Variants in ERFE observed in about 807,000 individuals in gnomAD.
The protein encoded by ERFE is complement C1q tumor necrosis factor-related protein 15.
In ERFE, 25 loss-of-function variants were observed where a neutral mutation model predicts 26.6. The ratio of observed to expected loss-of-function variants is 0.94; its 90% CI spans 0.69 to 1.31. ERFE has a LOEUF of 1.31. ERFE is among the 40% of genes most tolerant of loss of function. The pLI is 0.00. For synonymous variants in ERFE, 206 were observed against 204.5 expected, an observed-to-expected ratio of 1.01 and a Z score of -0.06; for missense variants, 447 against 440.2, an observed-to-expected ratio of 1.02 and a Z score of -0.14.
Position 238,164,185 on chromosome 2 carries a change from T to A in ERFE, c.796+2T>A, listed in dbSNP as rs1692992246. The A allele has an allele frequency of 7.0e-7, 1 of 1,435,500 alleles. No individual in the cohort carries two copies. 88.9% of individuals were successfully genotyped at this position (1,435,500 alleles called of 1,614,324 possible). ...CTCTCGCCGCCACGCTGCACGTGGG[T>A]GAGGCCCGGGGCGTGGGAGGATCGC... On this transcript the variant is annotated splice_donor_variant, in intron 5 of 7. Coordinates refer to ENST00000546354, the MANE Select transcript of ERFE (RefSeq NM_001291832.2). LOFTEE classifies it high-confidence loss of function.
Position 238,168,303 on chromosome 2 carries a change from T to A in ERFE, c.*1249T>A. 2.3e-6 allele frequency: 1 copy of A among 444,334 alleles called. No homozygotes were observed. The highest frequency in any genetic ancestry group is 4.6e-6 in the Non-Finnish European group (1 of 215,722). 27.5% of individuals were successfully genotyped at this position (444,334 alleles called of 1,614,324 possible). On this transcript the variant is annotated 3_prime_UTR_variant, in exon 8 of 8. Coordinates refer to ENST00000546354, the MANE Select transcript of ERFE (RefSeq NM_001291832.2). ...GTAGGTAGTGAAGAGGACAAGGCCC[T>A]CGGCAGCGACCTCCAGGGCCTCCTA... is the stretch of plus-strand genomic sequence containing the variant.
At chr2:238,166,367 T>G (rs902353072) in intron 7 of ERFE, among the ~76,000 whole-genome samples, 1 of 152,156 alleles carries the variant, frequency 6.6e-6, no homozygotes, top group Non-Finnish European at 1.5e-5. Flanking sequence ...TGAAAGGCAT[T>G]TAGAGGTCCC....
rs1196130503 is a variant in ERFE, at chr2:238,168,392, C to T, written c.*1338C>T. 3 of 470,952 alleles carry T rather than the reference C, an allele frequency of 6.4e-6. No individual in the cohort carries two copies. In the East Asian group the frequency reaches 2.1e-4, roughly 33 times the overall value. The allele number at this position is 470,952 out of a possible 1,614,324, so 29.2% of individuals were successfully genotyped here. A position where few individuals can be genotyped will look rare whatever the true frequency, so the allele number is the denominator to read the frequency against. On this transcript the variant is annotated 3_prime_UTR_variant, in exon 8 of 8. Coordinates refer to ENST00000546354, the MANE Select transcript of ERFE (RefSeq NM_001291832.2). ...ACAGGCTACGAAGAACCTGGTGCCT[C>T]AGGACCTCCTGGGAGCCAAGCTGGT...
intron 2 of ERFE, among the ~76,000 whole-genome samples, chr2:238,162,060 T>C (rs1692946978): frequency 6.6e-6 from 1 of 152,102 alleles, no homozygotes; most frequent in African/African-American, 2.4e-5. Context: ...GGGCACAGGG[T>C]CCCTCTCACC....
At position 238,166,922 on chromosome 2, in the gene ERFE, G is replaced by T. The variant is rs1326711323; in HGVS notation, c.967-34G>T. ...TGGGTCACCTCTGCAGGCTGTTGGG[G>T]TGGCCCAGTGCCTCAAAGGCACCCT... On this transcript the variant is annotated intron_variant, in intron 7 of 7. Transcript: ENST00000546354. 5.2e-6 allele frequency: 8 copies of T among 1,531,934 alleles called. No homozygotes were observed. In the Admixed American group the frequency reaches 5.9e-5, roughly 11 times the overall value. 94.9% of individuals were successfully genotyped at this position (1,531,934 alleles called of 1,614,324 possible).
Position 238,163,777 on chromosome 2 carries a change from T to C in ERFE, c.465T>C (p.Cys155=). The C allele has an allele frequency of 7.3e-7, 1 of 1,364,212 alleles. No individual in the cohort carries two copies. The highest frequency in any genetic ancestry group is 9.4e-7 in the Non-Finnish European group (1 of 1,063,128). The allele number at this position is 1,364,212 out of a possible 1,614,324, so 84.5% of individuals were successfully genotyped here. ...RQRERAEPEP[C]TCGPAGPVAA... ...GGGAGCGCGCGGAGCCCGAACCCTG[T>C]ACGTGTGGCCCCGCCGGGCCGGTCG... is the stretch of plus-strand genomic sequence containing the variant. Residue 155 remains cysteine (C), a synonymous_variant, in exon 4 of 8, where the codon TGT becomes TGC. Transcript: ENST00000546354.
chr2:238,167,346 G>C lies in ERFE; in HGVS notation c.*292G>C. Reference sequence around the variant, plus strand: ...ACCTGCTAGTCTCCAGCTGCAGGCCGACTCTTTCCTGGCCTGCTCAGCACC... The same window carrying C: ...ACCTGCTAGTCTCCAGCTGCAGGCCCACTCTTTCCTGGCCTGCTCAGCACC... On this transcript the variant is annotated 3_prime_UTR_variant, in exon 8 of 8. Transcript: ENST00000546354. The C allele has an allele frequency of 1.5e-6, 1 of 647,776 alleles. No individual in the cohort carries two copies. Among genetic ancestry groups the C allele is most frequent in the Non-Finnish European group, 2.9e-6 (1 of 350,018 alleles). The allele number at this position is 647,776 out of a possible 1,614,324, so 40.1% of individuals were successfully genotyped here.
chr2:238,165,387 G>T (rs149851478), intron 6 of ERFE, among the ~76,000 whole-genome samples: 10 of 152,354 alleles, frequency 6.6e-5, no homozygotes, highest in Non-Finnish European at 1.2e-4. Context: ...GCCTCTTGCT[G>T]GGCCCTCGCC....
intron 1 of ERFE, among the ~76,000 whole-genome samples, chr2:238,159,870 C>T (rs1692911787): frequency 6.6e-6 from 1 of 152,198 alleles, no homozygotes; most frequent in South Asian, 2.1e-4. Context: ...ACAGGGCTGC[C>T]CCAGGGAAGC....
At chr2:238,163,655 A>G in intron 3 of ERFE, 82 bp from the exon 4 acceptor site, 1 of 1,228,930 alleles carries the variant, frequency 8.1e-7, no homozygotes, top group Non-Finnish European at 1.0e-6. Context: ...TGGTCTCGCT[A>G]GCACCTGTCG....
Position 238,163,736 on chromosome 2 carries a change from G to A in ERFE, c.425-1G>A. ...CGCGGCCACCGCTCGCTCTGTGCCA[G>A]GTGCGGTGCGGCAGCGGGAGCGCGC... On this transcript the variant is annotated splice_acceptor_variant, in intron 3 of 7. Coordinates refer to ENST00000546354, the MANE Select transcript of ERFE (RefSeq NM_001291832.2). LOFTEE classifies it high-confidence loss of function. 2 of 1,334,230 alleles carry A rather than the reference G, an allele frequency of 1.5e-6. No individual in the cohort carries two copies. The highest frequency in any genetic ancestry group is 3.1e-5 in the East Asian group (1 of 32,078). 82.6% of individuals were successfully genotyped at this position (1,334,230 alleles called of 1,614,324 possible). A position where few individuals can be genotyped will look rare whatever the true frequency, so the allele number is the denominator to read the frequency against.
chr2:238,164,662 G>A (rs1199033631), intron 6 of ERFE: 3 of 385,740 alleles, frequency 7.8e-6, no homozygotes, highest in South Asian at 5.8e-5. Flanking sequence ...AGACCATCCT[G>A]GCTAACATGG....
chr2:238,161,631 G>A lies in ERFE; in HGVS notation c.236G>A (p.Arg79Gln), dbSNP rs751192962. 2.8e-5 allele frequency: 44 copies of A among 1,546,386 alleles called. No homozygotes were observed. Among genetic ancestry groups the A allele is most frequent in the African/African-American group, 1.8e-4 (13 of 73,008 alleles). ...GAGCGTGCACACAGCGTCGACCCCC[G>A]GGACGCCTGGATGCTCTTCGTCAGG... Reference protein sequence around the residue: ...TAERAHSVDPRDAWMLFVRQS... With the variant: ...TAERAHSVDPQDAWMLFVRQS... Residue 79 changes from arginine to glutamine, a missense_variant, in exon 2 of 8, where the codon CGG becomes CAG. Physicochemically the swap from Arg to Gln is conservative, Grantham distance 43. Coordinates refer to ENST00000546354, the MANE Select transcript of ERFE (RefSeq NM_001291832.2).
chr2:238,162,916 G>T, intron 3 of ERFE, 78 bp downstream of exon 3: 1 of 1,192,064 alleles, frequency 8.4e-7, no homozygotes, highest in Non-Finnish European at 1.2e-6. Context: ...GAGCTGACAG[G>T]GCCAACCTCA....
chr2:238,164,658 T>C (rs1693003922), intron 6 of ERFE: 2 of 397,680 alleles, frequency 5.0e-6, no homozygotes, highest in Admixed American at 4.6e-5. Flanking sequence ...ATCGAGACCA[T>C]CCTGGCTAAC....
chr2:238,163,814 G>T lies in ERFE; in HGVS notation c.502G>T (p.Ala168Ser). 1 of 1,335,570 alleles carries T rather than the reference G, an allele frequency of 7.5e-7. No individual in the cohort carries two copies. The highest frequency in any genetic ancestry group is 9.5e-7 in the Non-Finnish European group (1 of 1,049,576). 82.7% of individuals were successfully genotyped at this position (1,335,570 alleles called of 1,614,324 possible). A position where few individuals can be genotyped will look rare whatever the true frequency, so the allele number is the denominator to read the frequency against. Residue 168 changes from alanine (A) to serine (S), a missense_variant, in exon 4 of 8, where the codon GCC becomes TCC. Coordinates refer to ENST00000546354, the MANE Select transcript of ERFE (RefSeq NM_001291832.2). ...GPAGPVAASL[A>S]PVSATAGEDD... ...CGCCGGGCCGGTCGCTGCGAGCCTC[G>T]CCCCGGTCTCGGCCACCGCCGGGGA...
Position 238,164,131 on chromosome 2 carries a change from G to A in ERFE, c.744G>A (p.Gln248=), listed in dbSNP as rs1335782331. ...CGGGCCTGAACTTGACCAGCGGCCAGTACAGGGCGCCCGTGGCTGGCTTCT... is the reference window on the plus strand; with the variant it reads ...CGGGCCTGAACTTGACCAGCGGCCAATACAGGGCGCCCGTGGCTGGCTTCT... ...RGPGLNLTSG[Q]YRAPVAGFYA... is the part of the protein sequence containing the mutation. Residue 248 remains glutamine, a synonymous_variant, in exon 5 of 8, where the codon CAG becomes CAA. Transcript: ENST00000546354. 2 of 1,465,014 alleles carry A rather than the reference G, an allele frequency of 1.4e-6. No individual in the cohort carries two copies. Among genetic ancestry groups the A allele is most frequent in the South Asian group, 2.6e-5 (2 of 76,464 alleles). The allele number at this position is 1,465,014 out of a possible 1,614,324, so 90.8% of individuals were successfully genotyped here. A position where few individuals can be genotyped will look rare whatever the true frequency, so the allele number is the denominator to read the frequency against.
intron 6 of ERFE, among the ~76,000 whole-genome samples, chr2:238,164,958 A>AC (rs1019116028): frequency 2.7e-5 from 4 of 150,376 alleles, no homozygotes; most frequent in African/African-American, 9.8e-5. Context: ...TAGCCTCCCA[A>AC]CTCCTTCCCA....
At position 238,167,283 on chromosome 2, in the gene ERFE, T is replaced by TC; in HGVS notation, c.*230dup. 1.4e-6 allele frequency: 1 copy of TC among 701,530 alleles called. No homozygotes were observed. The highest frequency in any genetic ancestry group is 2.6e-6 in the Non-Finnish European group (1 of 385,302). The allele number at this position is 701,530 out of a possible 1,614,324, so 43.5% of individuals were successfully genotyped here. On this transcript the variant is annotated 3_prime_UTR_variant, in exon 8 of 8. Transcript: ENST00000546354. ...GTTGATTCAGGACACCATCTTGGGC[T>TC]CTTATCCAGGAAAGAAAGAGTCGGC...
Sources: gnomAD v4.1 joint callset for allele counts (sites outside exome capture counted in the v4.1 genomes callset) on GRCh38, gnomAD v4.1.1 for gene constraint, MANE v1.5 for transcripts, NCBI Gene and HGNC (gene_info 2026-07-23, HGNC 2026-07-21) for gene names.